The following STK10 variants were observed in gnomAD, a reference collection of about 807,000 sequenced individuals.
STK10 encodes serine/threonine kinase 10.
A neutral mutation model predicts 113.8 loss-of-function variants in STK10; 78 were observed. The observed-to-expected ratio is 0.69, with a 90% CI of 0.57 to 0.83. The LOEUF (loss-of-function observed/expected upper bound fraction) is 0.83, where lower values mean the gene tolerates loss of function less well. Ranked by LOEUF, STK10 falls within the 40% of genes least tolerant of loss-of-function variation. The pLI is 0.00. For missense variants in STK10, 1,109 were observed against 1,280.1 expected, an observed-to-expected ratio of 0.87 and a Z score of 2.04; for synonymous variants, 465 against 494.7, an observed-to-expected ratio of 0.94 and a Z score of 0.80.
chr5:172,176,307 C>T (rs1488747402), intron 1 of STK10, among the ~76,000 whole-genome samples: 1 of 152,208 alleles, frequency 6.6e-6, no homozygotes, highest in Non-Finnish European at 1.5e-5. Flanking sequence ...CTTCCTGTCT[C>T]ATCCTCTCTG....
intron 3 of STK10, among the ~76,000 whole-genome samples, chr5:172,119,778 G>A: frequency 6.8e-6 from 1 of 147,496 alleles, no homozygotes; most frequent in Non-Finnish European, 1.5e-5. Context: ...GCAGGAGAAT[G>A]GCGTGAACCC....
At chr5:172,099,678 G>C (rs934366089) in intron 7 of STK10, among the ~76,000 whole-genome samples, 1 of 152,184 alleles carries the variant, frequency 6.6e-6, no homozygotes, top group African/African-American at 2.4e-5. Flanking sequence ...AGATCCCAAA[G>C]GTGAGAACCA....
At chr5:172,174,469 C>T (rs7729031) in intron 1 of STK10, among the ~76,000 whole-genome samples, 25,694 of 152,102 alleles carry the variant, frequency 0.17, 3,105 homozygotes, top group African/African-American at 0.33. Flanking sequence ...AGCCACTGCA[C>T]GCCTGCAGCT....
intron 10 of STK10, among the ~76,000 whole-genome samples, chr5:172,085,102 G>A (rs987196330): frequency 1.4e-4 from 22 of 151,814 alleles, no homozygotes; most frequent in African/African-American, 4.6e-4. Context: ...AAAATTAGCC[G>A]GGCATGGTGG....
intron 7 of STK10, among the ~76,000 whole-genome samples, chr5:172,097,001 A>G (rs1001079163): frequency 2.6e-5 from 4 of 152,348 alleles, no homozygotes; most frequent in African/African-American, 9.6e-5. Context: ...CATTTTGTTG[A>G]GGAATAACAT....
rs1229056892 is a variant in STK10 at position 172,187,461 on chromosome 5, G to A, written c.156+426C>T. 6.6e-6 allele frequency among the ~76,000 whole-genome samples: 1 copy of A among 151,746 alleles called. No homozygotes were observed. The highest frequency in any genetic ancestry group is 1.9e-4 in the East Asian group (1 of 5,168). On this transcript the variant is annotated intron_variant, in intron 1 of 18. Coordinates refer to ENST00000176763, the MANE Select transcript of STK10 (RefSeq NM_005990.4). This position sits in a 1 kb window ranked among gnomAD's most constrained non-coding sequence, Gnocchi z 4.6. ...GCAGCCGAGTTTCTCGGTCCACATC[G>A]CCTCGATATTCCCACAGCATCTGTG... is the stretch of plus-strand genomic sequence containing the variant.
At position 172,162,434 on chromosome 5, in the gene STK10, GCTCT is replaced by G. The variant is rs373193898; in HGVS notation, c.157-5650_157-5647del. On this transcript the variant is annotated intron_variant, in intron 1 of 18. Transcript: ENST00000176763. ...TTATCTGGTGCTTGCTCGCTCACTT[GCTCT>G]CTCTCTCTCTCTCACACACACACAC... is the stretch of plus-strand genomic sequence containing the variant. Among the ~76,000 whole-genome samples, 29 of 150,630 alleles carry G rather than the reference GCTCT, an allele frequency of 1.9e-4. 1 individual carries two copies. Among genetic ancestry groups the G allele is most frequent in the Middle Eastern group, 3.5e-3 (1 of 288 alleles).
rs371971181 is a variant in STK10, at chr5:172,054,839, C to T, written c.2527-145G>A. 2,175 of 1,248,464 alleles carry T rather than the reference C, an allele frequency of 1.7e-3. 7 individuals carry two copies. Among genetic ancestry groups the T allele is most frequent in the Non-Finnish European group, 2.1e-3 (1,942 of 904,624 alleles). The allele number at this position is 1,248,464 out of a possible 1,614,324, so 77.3% of individuals were successfully genotyped here. A position where few individuals can be genotyped will look rare whatever the true frequency, so the allele number is the denominator to read the frequency against. On this transcript the variant is annotated intron_variant, in intron 16 of 18. Coordinates refer to ENST00000176763, the MANE Select transcript of STK10 (RefSeq NM_005990.4). ...GTACCCAGCACCACCTCAGGCTGTG[C>T]CCGTGTTAAGTCCTCACCCTGAGCT...
Position 172,044,721 on chromosome 5 carries a change from G to C in STK10, c.*161C>G. The C allele has an allele frequency of 2.6e-6, 3 of 1,155,032 alleles. No individual in the cohort carries two copies. The highest frequency in any genetic ancestry group is 3.7e-6 in the Non-Finnish European group (3 of 802,998). The allele number at this position is 1,155,032 out of a possible 1,614,324, so 71.5% of individuals were successfully genotyped here. A position where few individuals can be genotyped will look rare whatever the true frequency, so the allele number is the denominator to read the frequency against. ...CCAGCAAGAAGTCAGGAACGCTGGG[G>C]CAGGTCTATCAGGCACAGTTGGGGT... On this transcript the variant is annotated 3_prime_UTR_variant, in exon 19 of 19. Coordinates refer to ENST00000176763, the MANE Select transcript of STK10 (RefSeq NM_005990.4). The surrounding 1 kb of genome is among the most constrained non-coding windows in gnomAD (Gnocchi z 4.5).
chr5:172,113,400 G>A (rs1769287203), intron 4 of STK10, among the ~76,000 whole-genome samples: 1 of 152,186 alleles, frequency 6.6e-6, no homozygotes, highest in South Asian at 2.1e-4. Context: ...ATTTCGTAAA[G>A]ATGATAAACC....
chr5:172,171,640 G>A (rs547164905), intron 1 of STK10, among the ~76,000 whole-genome samples: 3 of 151,310 alleles, frequency 2.0e-5, no homozygotes, highest in South Asian at 4.2e-4. Flanking sequence ...ACTTGGACCC[G>A]TGAGGCAGAG....
At position 172,091,531 on chromosome 5, in the gene STK10, C is replaced by CTT. The variant is rs778673700; in HGVS notation, c.1555-1171_1555-1170dup. On this transcript the variant is annotated intron_variant, in intron 9 of 18. Coordinates refer to ENST00000176763, the MANE Select transcript of STK10 (RefSeq NM_005990.4). ...GGCCTCTTGGTTGGTTTCAAAGCCT[C>CTT]TTTTTTTTTTTTTTTTTGAGATGGA... Among the ~76,000 whole-genome samples the CTT allele has an allele frequency of 7.9e-3, 1,040 of 131,860 alleles. 31 individuals carry two copies. The highest frequency in any genetic ancestry group is 0.028 in the African/African-American group (928 of 33,598). The allele number at this position is 131,860 out of a possible 152,430, so 86.5% of individuals were successfully genotyped here.
intron 2 of STK10, among the ~76,000 whole-genome samples, chr5:172,137,651 C>T (rs567507442): frequency 1.3e-3 from 192 of 149,126 alleles, no homozygotes; most frequent in African/African-American, 4.4e-3. Context: ...GAGGCCGAGG[C>T]GGGCGGATCA....
At chr5:172,084,180 T>A (rs547242312) in intron 10 of STK10, among the ~76,000 whole-genome samples, 8 of 151,934 alleles carry the variant, frequency 5.3e-5, no homozygotes, top group Non-Finnish European at 8.8e-5. Context: ...GGAGGGTGGA[T>A]CACCTGAGGT....
chr5:172,184,908 G>A (rs370425985), intron 1 of STK10, among the ~76,000 whole-genome samples: 2 of 152,056 alleles, frequency 1.3e-5, no homozygotes, highest in African/African-American at 4.8e-5. Flanking sequence ...TGATCCACCC[G>A]CCTCGGCCTC....
intron 2 of STK10, among the ~76,000 whole-genome samples, chr5:172,140,612 G>C (rs1321416612): frequency 3.3e-5 from 5 of 152,174 alleles, no homozygotes; most frequent in African/African-American, 1.2e-4. Flanking sequence ...CAGGAGAATC[G>C]CTTGAATCCG....
chr5:172,177,257 A>C (rs1484479079), intron 1 of STK10, among the ~76,000 whole-genome samples: 1 of 152,066 alleles, frequency 6.6e-6, no homozygotes, highest in Admixed American at 6.5e-5. Context: ...GGCACCATCT[A>C]TGAAGCAGAG....
rs1308296058 is a variant in STK10, at chr5:172,093,983, A to T, written c.1006-23T>A. 1 of 1,342,762 alleles carries T rather than the reference A, an allele frequency of 7.4e-7. No individual in the cohort carries two copies. The highest frequency in any genetic ancestry group is 1.5e-5 in the African/African-American group (1 of 67,292). The allele number at this position is 1,342,762 out of a possible 1,614,324, so 83.2% of individuals were successfully genotyped here. A position where few individuals can be genotyped will look rare whatever the true frequency, so the allele number is the denominator to read the frequency against. The stretch of plus-strand genomic sequence containing the variant: ...GGTCTAGAAAAATATATATATATAT[A>T]TTAAAGGCCATGCTGCTGTATGTTC... On this transcript the variant is annotated intron_variant, in intron 8 of 18. Coordinates refer to ENST00000176763, the MANE Select transcript of STK10 (RefSeq NM_005990.4). The surrounding 1 kb of genome is among the most constrained non-coding windows in gnomAD (Gnocchi z 4.1).
intron 2 of STK10, among the ~76,000 whole-genome samples, chr5:172,146,698 T>C (rs1220046011): frequency 3.3e-5 from 5 of 152,240 alleles, no homozygotes; most frequent in South Asian, 2.1e-4. Flanking sequence ...TGGATTCTTA[T>C]ATGAAAGGTG....
Sources: gnomAD v4.1 joint callset for allele counts (sites outside exome capture counted in the v4.1 genomes callset) on GRCh38, gnomAD v4.1.1 for gene constraint, Gnocchi (gnomAD v3.1) non-coding constraint, MANE v1.5 for transcripts, NCBI Gene and HGNC (gene_info 2026-07-23, HGNC 2026-07-21) for gene names.